ZNF541: variants seen among roughly 807,000 people sequenced by gnomAD.
ZNF541 encodes zinc finger protein 541.
ZNF541 carries 23 observed loss-of-function variants against 123.5 expected under a neutral mutation model. That is an observed-to-expected ratio of 0.19 (90% CI 0.13 to 0.26). The LOEUF (loss-of-function observed/expected upper bound fraction) is 0.26, where lower values mean the gene tolerates loss of function less well. Ranked by LOEUF, ZNF541 falls within the 10% of genes least tolerant of loss-of-function variation. The pLI, the probability that ZNF541 is intolerant of heterozygous loss-of-function variation, is 1.00. For missense variants in ZNF541, 1,612 were observed against 1,789.9 expected, an observed-to-expected ratio of 0.90 and a Z score of 1.79; for synonymous variants, 751 against 754.5, an observed-to-expected ratio of 1.00 and a Z score of 0.08.
chr19:47,545,222 G>A lies in ZNF541; in HGVS notation c.1307C>T (p.Pro436Leu). ...GCCCTCCCGCGAGGGCACGGCCGAG[G>A]GCTTGTGGACAACAAACACGTTGTT... ...KGNNVFVVHK[P>L]SAVPSREGSE... Residue 436 changes from proline (P) to leucine (L), a missense_variant, in exon 5 of 17, where the codon CCC becomes CTC. Around this residue, in one of 5 missense-constraint regions of ZNF541, gnomAD observed 1,080 missense variants for 1,013.8 expected, o/e 1.07. Transcript: ENST00000391901. The surrounding 1 kb of genome is among the most constrained non-coding windows in gnomAD (Gnocchi z 7.5). The A allele has an allele frequency of 6.5e-7, 1 of 1,543,148 alleles. No individual in the cohort carries two copies. The highest frequency in any genetic ancestry group is 8.7e-7 in the Non-Finnish European group (1 of 1,144,084).
rs142607557 is a variant in ZNF541 at position 47,536,006 on chromosome 19, A to T, written c.3094+2136T>A. 1.4e-3 allele frequency among the ~76,000 whole-genome samples: 217 copies of T among 152,324 alleles called. 2 individuals are homozygous for T. Among genetic ancestry groups the T allele is most frequent in the African/African-American group, 4.9e-3 (203 of 41,586 alleles). The stretch of plus-strand genomic sequence containing the variant: ...TAAGCATTGTTTCTATAGATTATAG[A>T]TCAATTAAAAGTATTCCTTACAGGA... On this transcript the variant is annotated intron_variant, in intron 9 of 16. Coordinates refer to ENST00000391901, the MANE Select transcript of ZNF541 (RefSeq NM_001277075.3).
At position 47,548,221 on chromosome 19, in the gene ZNF541, G is replaced by A. The variant is rs190479967; in HGVS notation, c.548+1024C>T. On this transcript the variant is annotated intron_variant, in intron 4 of 16. Coordinates refer to ENST00000391901, the MANE Select transcript of ZNF541 (RefSeq NM_001277075.3). ...GCACTTTGGGAGGCTGAGGCAGGTG[G>A]ATCACAAGGTCAGGAGTTTGAGACC... Among the ~76,000 whole-genome samples the A allele has an allele frequency of 4.2e-4, 64 of 151,648 alleles. 1 individual carries two copies. Among genetic ancestry groups the A allele is most frequent in the African/African-American group, 1.5e-3 (61 of 41,434 alleles).
rs117219929 is a variant in ZNF541 at position 47,557,925 on chromosome 19, C to T, written c.-98-1971G>A. 5.5e-3 allele frequency among the ~76,000 whole-genome samples: 831 copies of T among 151,096 alleles called. 5 individuals are homozygous for T. Among genetic ancestry groups the T allele is most frequent in the Non-Finnish European group, 9.5e-3 (642 of 67,844 alleles). ...CACTAAAAGAATCTAAGTATAACCA[C>T]CAAGAGAAGAAAAATAAACCACATA... On this transcript the variant is annotated intron_variant, in intron 2 of 16. Transcript: ENST00000391901.
chr19:47,558,820 C>A (rs1970941298), intron 2 of ZNF541, among the ~76,000 whole-genome samples: 1 of 151,406 alleles, frequency 6.6e-6, no homozygotes, highest in Non-Finnish European at 1.5e-5. Context: ...TCTCCGCTCA[C>A]TGCAAGCTCC....
At chr19:47,560,624 T>A (rs546236410) in intron 2 of ZNF541, among the ~76,000 whole-genome samples, 50 of 149,824 alleles carry the variant, frequency 3.3e-4, no homozygotes, top group Non-Finnish European at 5.2e-4. Context: ...CTTATAAAGC[T>A]ACACATAGTT....
At position 47,529,603 on chromosome 19, in the gene ZNF541, T is replaced by G. The variant is rs907844513; in HGVS notation, c.3455A>C (p.His1152Pro). Residue 1152 changes from histidine (H) to proline (P), a missense_variant, in exon 13 of 17, where the codon CAC (histidine) becomes CCC (proline). Around this residue, in one of 5 missense-constraint regions of ZNF541, gnomAD observed 285 missense variants for 407.3 expected, o/e 0.70. Coordinates refer to ENST00000391901, the MANE Select transcript of ZNF541 (RefSeq NM_001277075.3). ...TGTGTAGCGATAGTCAGCGAGCAGG[T>G]GTGTCCGTGGCTTGTGGGGCCCTCG... ...LLRGPHKPRT[H>P]LLADYRYTGS... 1 of 1,551,604 alleles carries G rather than the reference T, an allele frequency of 6.4e-7. No individual in the cohort carries two copies. The highest frequency in any genetic ancestry group is 1.4e-5 in the African/African-American group (1 of 73,152).
At position 47,521,521 on chromosome 19, in the gene ZNF541, C is replaced by A. The variant is rs763231985; in HGVS notation, c.3845G>T (p.Ser1282Ile). The change falls in exon 16 of 17, where the codon AGT becomes ATT. Residue 1282 changes from serine (S) to isoleucine (I), a missense_variant. By Grantham distance (142) the Ser-to-Ile change is moderately radical. Transcript: ENST00000391901. The surrounding 1 kb of genome is among the most constrained non-coding windows in gnomAD (Gnocchi z 4.2). ...TGGAAAAATGCCCTGGCTCTCTGCA[C>A]TTCCCAACAGCTCGGGGGTCCGCTT... ...GSKRTPELLG[S>I]AESQGIFPCR... 2 of 1,551,684 alleles carry A rather than the reference C, an allele frequency of 1.3e-6. No individual in the cohort carries two copies. The highest frequency in any genetic ancestry group is 1.2e-5 in the South Asian group (1 of 84,058).
chr19:47,532,408 G>A, intron 10 of ZNF541, 138 bp from the exon 11 acceptor site: 1 of 939,860 alleles, frequency 1.1e-6, no homozygotes, highest in Non-Finnish European at 1.6e-6. Flanking sequence ...AGGTGCATCA[G>A]GTACGTGCTG....
chr19:47,557,853 GA>G (rs58815217), intron 2 of ZNF541, among the ~76,000 whole-genome samples: 168 of 139,766 alleles, frequency 1.2e-3, no homozygotes, highest in Middle Eastern at 3.6e-3. Context: ...AATCAATTGG[GA>G]AAAAAAAAAA....
At chr19:47,533,812 C>CA (rs1270331112) in intron 9 of ZNF541, among the ~76,000 whole-genome samples, 1 of 152,062 alleles carries the variant, frequency 6.6e-6, no homozygotes, top group East Asian at 1.9e-4. Flanking sequence ...CCAGCCTGGG[C>CA]AACAGAGTGA....
Position 47,540,307 on chromosome 19 carries a change from A to G in ZNF541, c.2491T>C (p.Trp831Arg). The G allele has an allele frequency of 2.6e-6, 4 of 1,552,014 alleles. No individual in the cohort carries two copies. The highest frequency in any genetic ancestry group is 3.5e-6 in the Non-Finnish European group (4 of 1,146,976). The change falls in exon 7 of 17, where the codon TGG (tryptophan) becomes CGG (arginine). Residue 831 changes from tryptophan (W) to arginine (R), a missense_variant. Transcript: ENST00000391901. ...ACAAAAGTGCTCCTGGGCTTCGTCC[A>G]GTCTGTGGGACTGCCGTTTTGCTGG... is the stretch of plus-strand genomic sequence containing the variant. ...GNQQNGSPTD[W>R]TKPRSTFVCK...
At position 47,528,938 on chromosome 19, in the gene ZNF541, C is replaced by T. The variant is rs1259032389; in HGVS notation, c.3570+12G>A. On this transcript the variant is annotated intron_variant, in intron 14 of 16. Coordinates refer to ENST00000391901, the MANE Select transcript of ZNF541 (RefSeq NM_001277075.3). ...AGGCAGGGCCTTGGACACCAGCCCA[C>T]ATTCACTTTACCATCTTGTGTATCA... 1.3e-6 allele frequency: 2 copies of T among 1,548,902 alleles called. No individual in the cohort carries two copies. The highest frequency in any genetic ancestry group is 1.2e-5 in the South Asian group (1 of 83,998).
rs530245324 is a variant in ZNF541 at position 47,532,329 on chromosome 19, G to T, written c.3159-59C>A. On this transcript the variant is annotated intron_variant, in intron 10 of 16. Coordinates refer to ENST00000391901, the MANE Select transcript of ZNF541 (RefSeq NM_001277075.3). Reference sequence around the variant, plus strand: ...TACAAACATGACTGAGATGGGAAGTGAAATGGAGACGCTCTGTATGCCCTG... The same window carrying T: ...TACAAACATGACTGAGATGGGAAGTTAAATGGAGACGCTCTGTATGCCCTG... 22 of 1,534,478 alleles carry T rather than the reference G, an allele frequency of 1.4e-5. No homozygotes were observed. In the Admixed American group the frequency reaches 3.5e-4, roughly 25 times the overall value.
At position 47,545,823 on chromosome 19, in the gene ZNF541, A is replaced by G; in HGVS notation, c.706T>C (p.Cys236Arg). The G allele has an allele frequency of 6.5e-7, 1 of 1,547,768 alleles. No homozygotes were observed. ...TCGTGGGCGTGGGGGGAGTCCCCGC[A>G]GGCCTCTTCCTCCGGGGGGGCTTCC... ...LKEAPPEEEA[C>R]GDSPHAHESA... The change falls in exon 5 of 17, where the codon TGC (cysteine) becomes CGC (arginine). Residue 236 changes from cysteine (C) to arginine (R), a missense_variant. Physicochemically the swap from Cys to Arg is radical, Grantham distance 180 (BLOSUM62 -3). Coordinates refer to ENST00000391901, the MANE Select transcript of ZNF541 (RefSeq NM_001277075.3). The surrounding 1 kb of genome is among the most constrained non-coding windows in gnomAD (Gnocchi z 7.5).
At position 47,545,754 on chromosome 19, in the gene ZNF541, G is replaced by A; in HGVS notation, c.775C>T (p.Pro259Ser). Residue 259 changes from proline (P) to serine (S), a missense_variant, in exon 5 of 17, where the codon CCC becomes TCC. Physicochemically the swap from Pro to Ser is moderately conservative, Grantham distance 74 (BLOSUM62 -1). Transcript: ENST00000391901. This position sits in a 1 kb window ranked among gnomAD's most constrained non-coding sequence, Gnocchi z 7.5. ...GAGCCGGGGGACCTGGCCTCTGGGG[G>A]CACCAGGGACCGCAGGCTGCTGGGG... ...PPPSSLRSLVPPEARSPGSLL... is the reference protein window; with the variant it reads ...PPPSSLRSLVSPEARSPGSLL... 7.8e-6 allele frequency: 12 copies of A among 1,542,972 alleles called. No individual in the cohort carries two copies. The highest frequency in any genetic ancestry group is 1.0e-5 in the Non-Finnish European group (12 of 1,145,528).
At chr19:47,566,059 C>A (rs1016393386) in intron 2 of ZNF541, among the ~76,000 whole-genome samples, 1 of 151,964 alleles carries the variant, frequency 6.6e-6, no homozygotes. Flanking sequence ...TGCCTGTAAC[C>A]CCAGCTACTC....
Position 47,544,984 on chromosome 19 carries a change from G to C in ZNF541, c.1545C>G (p.Asn515Lys), listed in dbSNP as rs1411670529. The C allele has an allele frequency of 6.5e-7, 1 of 1,529,796 alleles. No individual in the cohort carries two copies. Among genetic ancestry groups the C allele is most frequent in the Admixed American group, 2.0e-5 (1 of 49,600 alleles). The allele number at this position is 1,529,796 out of a possible 1,614,324, so 94.8% of individuals were successfully genotyped here. A position where few individuals can be genotyped will look rare whatever the true frequency, so the allele number is the denominator to read the frequency against. ...KVDCDSFLCQ[N>K]PGEPGLQEAQ... The stretch of plus-strand genomic sequence containing the variant: ...CCTCCTGGAGGCCGGGCTCCCCGGG[G>C]TTCTGGCACAGGAAGGAGTCGCAGT... Residue 515 changes from asparagine (N) to lysine (K), a missense_variant, in exon 5 of 17, where the codon AAC becomes AAG. This residue lies in a region of ZNF541 where 1,080 missense variants were observed against 1,013.8 expected (regional missense o/e 1.07). Coordinates refer to ENST00000391901, the MANE Select transcript of ZNF541 (RefSeq NM_001277075.3).
At chr19:47,548,315 C>T (rs528916203) in intron 4 of ZNF541, among the ~76,000 whole-genome samples, 6 of 150,848 alleles carry the variant, frequency 4.0e-5, no homozygotes, top group South Asian at 2.1e-4. Flanking sequence ...GGGTGGCATG[C>T]GCCTGTAGTC....
intron 2 of ZNF541, among the ~76,000 whole-genome samples, chr19:47,556,617 G>A (rs926763388): frequency 2.0e-5 from 3 of 152,054 alleles, no homozygotes; most frequent in Non-Finnish European, 4.4e-5. Context: ...GCCCTGTGAA[G>A]CACTTGAAAT....
Sources: allele counts gnomAD v4.1 joint callset (sites outside exome capture counted in the v4.1 genomes callset), GRCh38; gene constraint gnomAD v4.1.1; regional missense constraint gnomAD v4.1.1; non-coding constraint Gnocchi (gnomAD v3.1); transcripts MANE v1.5; gene names NCBI Gene and HGNC (gene_info 2026-07-23, HGNC 2026-07-21).